FBXO34: variants seen among roughly 807,000 people sequenced by gnomAD.
The protein encoded by FBXO34 is F-box protein 34, also known as F-box only protein 34.
In FBXO34, 12 loss-of-function variants were observed where a neutral mutation model predicts 24.5. That is an observed-to-expected ratio of 0.49 (90% CI 0.31 to 0.79). The LOEUF is 0.79. FBXO34 is among the 30% of genes least tolerant of loss of function. FBXO34 has a pLI of 0.04. For missense variants in FBXO34, 823 were observed against 857.7 expected (o/e 0.96, Z 0.51); for synonymous variants, 320 against 311.9 (o/e 1.03, Z -0.27).
At chr14:55,360,712 T>C (rs1195028375) in intron 3 of FBXO34, among the ~76,000 whole-genome samples, 1 of 152,098 alleles carries the variant, frequency 6.6e-6, no homozygotes, top group African/African-American at 2.4e-5. Flanking sequence ...AATGTTGATA[T>C]TTTGGCCGGG....
chr14:55,292,035 C>T (rs1224765014), intron 1 of FBXO34, among the ~76,000 whole-genome samples: 1 of 152,170 alleles, frequency 6.6e-6, no homozygotes, highest in Non-Finnish European at 1.5e-5. Flanking sequence ...GTCCTGTTTT[C>T]TATCACATAC....
intron 1 of FBXO34, among the ~76,000 whole-genome samples, chr14:55,310,722 G>A (rs1041712915): frequency 6.6e-6 from 1 of 152,146 alleles, no homozygotes; most frequent in Non-Finnish European, 1.5e-5. Flanking sequence ...TCACTCTTAA[G>A]GGAGTAAGTG....
chr14:55,366,150 G>A (rs1367547421), downstream of FBXO34, among the ~76,000 whole-genome samples: 1 of 152,104 alleles, frequency 6.6e-6, no homozygotes, highest in Non-Finnish European at 1.5e-5. Context: ...GGCTACCAAA[G>A]AAAAACACGT....
At chr14:55,361,734 G>T (rs1358995915) in exon 4 of FBXO34, 1 of 152,222 alleles carries the variant, frequency 6.6e-6, no homozygotes, top group African/African-American at 2.4e-5. Flanking sequence ...ATGTTACAGA[G>T]ACAGCTTCTT....
chr14:55,377,522 G>A, the FBXO34 span, among the ~76,000 whole-genome samples: 1 of 152,132 alleles, frequency 6.6e-6, no homozygotes, highest in African/African-American at 2.4e-5. Context: ...CCAAAGACAT[G>A]GCCTTTGGAC....
At chr14:55,415,683 G>A in the FBXO34 span, among the ~76,000 whole-genome samples, 3 of 151,912 alleles carry the variant, frequency 2.0e-5, no homozygotes, top group African/African-American at 7.3e-5. Flanking sequence ...TGGCCAACAC[G>A]GCGAAACCCC....
chr14:55,350,471 G>GA lies in FBXO34; in HGVS notation c.83dup (p.Asn28LysfsTer8). 1 of 1,613,578 alleles carries GA rather than the reference G, an allele frequency of 6.2e-7. No individual in the cohort carries two copies. Among genetic ancestry groups the GA allele is most frequent in the Non-Finnish European group, 8.5e-7 (1 of 1,179,862 alleles). ...GCAGGGAAACGCAGAGAACTCCTAT[G>GA]AACCACCAAAAGGCTGTAAATGATG... On this transcript the variant is annotated frameshift_variant, in exon 2 of 2. Coordinates refer to ENST00000313833, the MANE Select transcript of FBXO34 (RefSeq NM_017943.4). LOFTEE classifies it low-confidence loss of function (END_TRUNC).
the FBXO34 span, among the ~76,000 whole-genome samples, chr14:55,429,558 G>A: frequency 2.0e-5 from 3 of 152,152 alleles, no homozygotes; most frequent in Non-Finnish European, 4.4e-5. Context: ...GAGGACAGTA[G>A]CTCGAGACCG....
At chr14:55,358,584 G>C (rs913138851), downstream of FBXO34, among the ~76,000 whole-genome samples, 2 of 151,848 alleles carry the variant, frequency 1.3e-5, no homozygotes, top group Non-Finnish European at 2.9e-5. Flanking sequence ...GGAGAACAAA[G>C]ATTCTGGAAC....
At chr14:55,360,319 C>T (rs1034166594) in intron 3 of FBXO34, among the ~76,000 whole-genome samples, 19 of 152,088 alleles carry the variant, frequency 1.2e-4, no homozygotes, top group African/African-American at 2.2e-4. Flanking sequence ...GTGATCTGCC[C>T]GCCTCGGCCT....
At chr14:55,365,992 T>G (rs1384851652), downstream of FBXO34, among the ~76,000 whole-genome samples, 2 of 152,166 alleles carry the variant, frequency 1.3e-5, no homozygotes, top group Admixed American at 6.5e-5. Context: ...CCAAAGCTAC[T>G]CAGGCATCTG....
At chr14:55,365,993 C>G (rs186773763), downstream of FBXO34, among the ~76,000 whole-genome samples, 1 of 152,286 alleles carries the variant, frequency 6.6e-6, no homozygotes, top group Non-Finnish European at 1.5e-5. Context: ...CAAAGCTACT[C>G]AGGCATCTGA....
At chr14:55,402,452 GA>G in the FBXO34 span, among the ~76,000 whole-genome samples, 17 of 152,126 alleles carry the variant, frequency 1.1e-4, no homozygotes, top group Non-Finnish European at 2.4e-4. Flanking sequence ...CAGAGATGAG[GA>G]AAGATTCATG....
At chr14:55,339,641 T>A (rs1256836494) in intron 1 of FBXO34, 2 of 152,180 alleles carry the variant, frequency 1.3e-5, no homozygotes, top group Non-Finnish European at 2.9e-5. Flanking sequence ...AATGATTGAT[T>A]TATCTATAGT....
intron 1 of FBXO34, among the ~76,000 whole-genome samples, chr14:55,305,816 C>G (rs374474151): frequency 2.6e-5 from 4 of 152,162 alleles, no homozygotes; most frequent in Admixed American, 1.3e-4. Flanking sequence ...CCACATTTCT[C>G]CCGGTTACTG....
At chr14:55,314,371 AG>A (rs1403576326) in intron 1 of FBXO34, among the ~76,000 whole-genome samples, 1 of 152,236 alleles carries the variant, frequency 6.6e-6, no homozygotes, top group African/African-American at 2.4e-5. Context: ...GTAGCCTTGC[AG>A]GGGGAAACCT....
At chr14:55,366,795 C>T (rs1395765601), downstream of FBXO34, 1 of 152,430 alleles carries the variant, frequency 6.6e-6, no homozygotes, top group African/African-American at 2.4e-5. Flanking sequence ...AAACAAAATA[C>T]CAGCTTCAAT....
chr14:55,394,616 G>A, the FBXO34 span, among the ~76,000 whole-genome samples: 3 of 152,188 alleles, frequency 2.0e-5, 1 homozygote, highest in African/African-American at 4.8e-5. Flanking sequence ...AAAGTTATTA[G>A]GAAAACAGGA....
downstream of FBXO34, among the ~76,000 whole-genome samples, chr14:55,364,215 C>T (rs1884631729): frequency 6.6e-6 from 1 of 152,030 alleles, no homozygotes; most frequent in South Asian, 2.1e-4. Context: ...TCCCAAAGTG[C>T]TGGGATTACA....
Sources: allele counts gnomAD v4.1 joint callset (sites outside exome capture counted in the v4.1 genomes callset), GRCh38; gene constraint gnomAD v4.1.1; transcripts MANE v1.5; gene names NCBI Gene and HGNC (gene_info 2026-07-23, HGNC 2026-07-21).